The following STK35 variants were observed in gnomAD, a reference collection of about 807,000 sequenced individuals.
The protein encoded by STK35 is serine/threonine kinase 35.
A neutral mutation model predicts 37.3 loss-of-function variants in STK35; 17 were observed. That is an observed-to-expected ratio of 0.46 (90% CI 0.31 to 0.68). The LOEUF is 0.68. Among genes scored for constraint, STK35 ranks in the 30% least tolerant of loss-of-function variants. The pLI is 0.05. For missense variants in STK35, 595 were observed against 746.7 expected (o/e 0.80, Z 2.37); for synonymous variants, 385 against 319.1 (o/e 1.21, Z -2.20).
intron 3 of STK35, among the ~76,000 whole-genome samples, chr20:2,129,427 T>C (rs1175288528): frequency 6.6e-6 from 1 of 152,134 alleles, no homozygotes; most frequent in Non-Finnish European, 1.5e-5. Context: ...TGCCCTTTCA[T>C]GCCAGTTCTC....
chr20:2,115,321 G>T (rs1985694653), intron 2 of STK35, among the ~76,000 whole-genome samples: 1 of 152,100 alleles, frequency 6.6e-6, no homozygotes, highest in South Asian at 2.1e-4. Context: ...CGTTTTCTTT[G>T]TAATAGAGTA....
At chr20:2,121,766 C>T (rs914728228) in intron 3 of STK35, among the ~76,000 whole-genome samples, 8 of 152,038 alleles carry the variant, frequency 5.3e-5, no homozygotes, top group Non-Finnish European at 1.0e-4. Context: ...GGGAGCCAGC[C>T]GTGGCATCAT....
At position 2,116,650 on chromosome 20, in the gene STK35, G is replaced by A; in HGVS notation, c.893-16G>A. The stretch of plus-strand genomic sequence containing the variant: ...GTCCATCTCACTCAAGCTCCTTCCT[G>A]TCTTCTTTGATTTAGGAGAAAGGAT... On this transcript the variant is annotated splice_polypyrimidine_tract_variant and intron_variant, in intron 2 of 3. Transcript: ENST00000381482. 1.2e-6 allele frequency: 2 copies of A among 1,604,402 alleles called. No individual in the cohort carries two copies. The highest frequency in any genetic ancestry group is 1.7e-6 in the Non-Finnish European group (2 of 1,173,644).
At chr20:2,128,186 T>C (rs778579475) in intron 3 of STK35, among the ~76,000 whole-genome samples, 1 of 152,192 alleles carries the variant, frequency 6.6e-6, no homozygotes, top group Non-Finnish European at 1.5e-5. Flanking sequence ...TGATGGCTGA[T>C]GAACACAAAA....
chr20:2,103,498 T>C (rs769641287), intron 2 of STK35, 133 bp downstream of exon 2: 2 of 816,464 alleles, frequency 2.4e-6, no homozygotes, highest in East Asian at 2.9e-5. Flanking sequence ...TGACACACCC[T>C]CCTTTCCTGG....
intron 2 of STK35, among the ~76,000 whole-genome samples, chr20:2,113,789 T>G (rs1443972921): frequency 2.0e-5 from 3 of 152,192 alleles, no homozygotes; most frequent in Non-Finnish European, 4.4e-5. Context: ...CAAATGTAGT[T>G]CCTATCTGAC....
In STK35 at chr20:2,103,355, C is replaced by G. The variant is rs746729203; in HGVS notation, c.882C>G (p.Thr294=). The G allele has an allele frequency of 1.9e-6, 3 of 1,610,716 alleles. No homozygotes were observed. Residue 294 remains threonine (T), a synonymous_variant, in exon 2 of 4, where the codon ACC becomes ACG. Transcript: ENST00000381482. ...SSQLYLRLVE[T]SLKGERILGY... ...AGCTTTACCTGCGCCTGGTGGAGAC[C>G]TCGCTGAAAGGTAGGAGCACCGCGG... is the stretch of plus-strand genomic sequence containing the variant.
intron 2 of STK35, 26 bp downstream of exon 2, chr20:2,103,391 C>A (rs762465159): frequency 2.8e-5 from 45 of 1,593,882 alleles, no homozygotes; most frequent in Non-Finnish European, 3.4e-5. Flanking sequence ...GCCTTTCCAC[C>A]CACGCAGGGC....
chr20:2,105,275 C>T (rs1381067617), intron 2 of STK35, among the ~76,000 whole-genome samples: 1 of 152,174 alleles, frequency 6.6e-6, no homozygotes, highest in Non-Finnish European at 1.5e-5. Context: ...TCCTTTACTG[C>T]CAATGAATGG....
intron 3 of STK35, among the ~76,000 whole-genome samples, chr20:2,137,942 C>G (rs1355027685): frequency 1.3e-5 from 2 of 152,202 alleles, no homozygotes; most frequent in Non-Finnish European, 2.9e-5. Context: ...CCTCTGTGCA[C>G]TTGTGAGGCC....
At chr20:2,112,047 C>T (rs1321816398) in intron 2 of STK35, among the ~76,000 whole-genome samples, 7 of 152,214 alleles carry the variant, frequency 4.6e-5, no homozygotes, top group Non-Finnish European at 1.0e-4. Flanking sequence ...GCAGGGATGC[C>T]CCTCAGCTCA....
At position 2,146,830 on chromosome 20, in the gene STK35, ACT is replaced by A. The variant is rs955237968; in HGVS notation, c.*3089_*3090del. On this transcript the variant is annotated 3_prime_UTR_variant, in exon 4 of 4. Coordinates refer to ENST00000381482, the MANE Select transcript of STK35 (RefSeq NM_080836.4). ...AAAACTGTGCTTTGGACAGGTGCAC[ACT>A]CTCTGCCTCTTACCTCTAGCCAGGA... 2 of 151,994 alleles carry A rather than the reference ACT, an allele frequency of 1.3e-5. No individual in the cohort carries two copies. The highest frequency in any genetic ancestry group is 1.3e-4 in the Admixed American group (2 of 15,278). 9.4% of individuals were successfully genotyped at this position (151,994 alleles called of 1,614,324 possible).
At chr20:2,131,953 A>G (rs1055337295) in intron 3 of STK35, among the ~76,000 whole-genome samples, 41 of 152,146 alleles carry the variant, frequency 2.7e-4, no homozygotes, top group African/African-American at 9.4e-4. Flanking sequence ...TACTTTTTAA[A>G]TTTTTTTTGC....
At position 2,116,952 on chromosome 20, in the gene STK35, C is replaced by G. The variant is rs1568575963; in HGVS notation, c.1179C>G (p.Pro393=). 1 of 1,614,144 alleles carries G rather than the reference C, an allele frequency of 6.2e-7. No individual in the cohort carries two copies. The highest frequency in any genetic ancestry group is 8.5e-7 in the Non-Finnish European group (1 of 1,180,018). The change falls in exon 3 of 4, where the codon CCC becomes CCG. Residue 393 remains proline, a synonymous_variant. Transcript: ENST00000381482. ...GLSKVCAGLA[P]RGKEGNQDNK... ...GCAAGGTCTGTGCTGGGCTGGCACC[C>G]CGAGGCAAAGAGGGCAATCAAGACA...
intron 2 of STK35, among the ~76,000 whole-genome samples, chr20:2,115,007 C>T (rs1047877746): frequency 6.6e-6 from 1 of 152,116 alleles, no homozygotes; most frequent in African/African-American, 2.4e-5. Flanking sequence ...ACATAGAGGG[C>T]CTCTGCCCAT....
At chr20:2,116,553 T>G in intron 2 of STK35, 113 bp from the exon 3 acceptor site, 1 of 1,181,368 alleles carries the variant, frequency 8.5e-7, no homozygotes, top group South Asian at 1.5e-5. Context: ...CAGGTCCCCT[T>G]GGAGCAGTTG....
chr20:2,116,529 C>T (rs1361220659), intron 2 of STK35, 137 bp from the exon 3 acceptor site: 9 of 936,258 alleles, frequency 9.6e-6, no homozygotes, highest in Admixed American at 2.5e-5. Context: ...GAAAGGCACT[C>T]AGTGCCAGTT....
chr20:2,125,527 T>G (rs1985889871), intron 3 of STK35, among the ~76,000 whole-genome samples: 3 of 152,234 alleles, frequency 2.0e-5, no homozygotes, highest in South Asian at 4.1e-4. Context: ...TTAAAGCCAC[T>G]TTTAATGAAT....
chr20:2,142,493 C>T (rs920925481), intron 3 of STK35, among the ~76,000 whole-genome samples: 1 of 152,144 alleles, frequency 6.6e-6, no homozygotes, highest in African/African-American at 2.4e-5. Flanking sequence ...TTTGGTCATT[C>T]GGGCACTTTA....
Sources: allele counts gnomAD v4.1 joint callset (sites outside exome capture counted in the v4.1 genomes callset), GRCh38; gene constraint gnomAD v4.1.1; transcripts MANE v1.5; gene names NCBI Gene and HGNC (gene_info 2026-07-23, HGNC 2026-07-21).